BLTP1: variants seen among roughly 807,000 people sequenced by gnomAD.
BLTP1 encodes the protein fragile site-associated protein.
chr4:122,311,377 G>A, the BLTP1 span, among the ~76,000 whole-genome samples: 2 of 152,074 alleles, frequency 1.3e-5, no homozygotes, highest in African/African-American at 4.8e-5. Context: ...TTGGGAGGGG[G>A]CCAGAAGGAG....
the BLTP1 span, chr4:122,275,982 T>C: frequency 6.4e-7 from 1 of 1,563,662 alleles, no homozygotes. Flanking sequence ...ACTGGAGGAT[T>C]TTCCTACATC....
the BLTP1 span, chr4:122,174,801 A>G: frequency 1.5e-6 from 1 of 683,588 alleles, no homozygotes; most frequent in Non-Finnish European, 2.3e-6. Context: ...TACTTGATGA[A>G]TTGATGTTTT....
At chr4:122,204,532 G>C in the BLTP1 span, 1 of 984,846 alleles carries the variant, frequency 1.0e-6, no homozygotes, top group Non-Finnish European at 1.2e-6. Context: ...AGACATTTAA[G>C]AACAATTTTC....
At chr4:122,247,766 C>T in the BLTP1 span, 59 of 1,003,232 alleles carry the variant, frequency 5.9e-5, no homozygotes, top group Non-Finnish European at 7.0e-5. Flanking sequence ...ACCAGAGAGT[C>T]TGTAAAATAC....
At chr4:122,207,184 A>G in the BLTP1 span, 1 of 1,612,166 alleles carries the variant, frequency 6.2e-7, no homozygotes, top group Non-Finnish European at 8.5e-7. Flanking sequence ...GAATTTTAAA[A>G]TCATGTTTCA....
At chr4:122,328,572 A>T in the BLTP1 span, 15 of 792,572 alleles carry the variant, frequency 1.9e-5, no homozygotes, top group South Asian at 5.8e-5. Flanking sequence ...TTAAATTTAA[A>T]TTTTTTTTTC....
the BLTP1 span, chr4:122,264,474 A>G: frequency 9.5e-6 from 14 of 1,480,724 alleles, no homozygotes; most frequent in South Asian, 1.9e-4. Context: ...CTCCTTAGGC[A>G]TTGCTTAGCA....
chr4:122,259,616 C>A, the BLTP1 span, among the ~76,000 whole-genome samples: 6 of 152,268 alleles, frequency 3.9e-5, no homozygotes, highest in East Asian at 1.2e-3. Context: ...AATTCCAGCA[C>A]TTTGGGAGGC....
At chr4:122,331,947 C>G in the BLTP1 span, 3 of 214,548 alleles carry the variant, frequency 1.4e-5, no homozygotes, top group Non-Finnish European at 2.4e-5. Context: ...GACAGTTACA[C>G]AGACCTCAGT....
At chr4:122,192,092 C>G in the BLTP1 span, 1 of 732,682 alleles carries the variant, frequency 1.4e-6, no homozygotes, top group Non-Finnish European at 2.1e-6. Context: ...ATGAGAACAA[C>G]CCCTTTTAGG....
the BLTP1 span, chr4:122,325,124 A>T: frequency 8.8e-7 from 1 of 1,136,326 alleles, no homozygotes; most frequent in Non-Finnish European, 1.2e-6. Flanking sequence ...TTGATTAGGT[A>T]AATACTTACA....
the BLTP1 span, chr4:122,249,822 G>T: frequency 7.1e-7 from 1 of 1,409,988 alleles, no homozygotes; most frequent in African/African-American, 1.4e-5. Context: ...ATTATTTACC[G>T]GGGGTGAGTG....
At chr4:122,305,081 AT>A in the BLTP1 span, 9 of 1,277,360 alleles carry the variant, frequency 7.0e-6, no homozygotes, top group Non-Finnish European at 9.2e-6. Context: ...TTACAAAAAT[AT>A]TTAGTTTAAT....
the BLTP1 span, among the ~76,000 whole-genome samples, chr4:122,251,843 C>T: frequency 1.3e-5 from 2 of 152,184 alleles, no homozygotes; most frequent in Non-Finnish European, 2.9e-5. Flanking sequence ...CTACTACTCC[C>T]TGATGAATTT....
chr4:122,249,226 A>G, the BLTP1 span: 1 of 584,500 alleles, frequency 1.7e-6, no homozygotes, highest in Non-Finnish European at 2.2e-6. Context: ...TTAACTTTAT[A>G]TTTTTTAGAG....
chr4:122,359,622 G>A, the BLTP1 span: 12 of 1,612,450 alleles, frequency 7.4e-6, no homozygotes, highest in Middle Eastern at 1.7e-4. Flanking sequence ...TATACATGAC[G>A]ACAATTCCTC....
At chr4:122,355,847 C>T in the BLTP1 span, 1 of 1,612,378 alleles carries the variant, frequency 6.2e-7, no homozygotes. Context: ...AATAGCACTA[C>T]TGTGAAGAAT....
At chr4:122,219,351 T>C in the BLTP1 span, 2 of 1,613,054 alleles carry the variant, frequency 1.2e-6, no homozygotes, top group South Asian at 2.2e-5. Context: ...AAAACTACTT[T>C]GGGGAAGATG....
chr4:122,229,365 A>G, the BLTP1 span: 13 of 705,634 alleles, frequency 1.8e-5, no homozygotes, highest in Non-Finnish European at 2.6e-5. Flanking sequence ...TTTAGGAGAA[A>G]ACTTTCTAAT....
Sources: gnomAD v4.1 joint callset for allele counts (sites outside exome capture counted in the v4.1 genomes callset) on GRCh38, gnomAD v4.1.1 for gene constraint, MANE v1.5 for transcripts, NCBI Gene and HGNC (gene_info 2026-07-23, HGNC 2026-07-21) for gene names.